Variants in DYSF observed in about 807,000 individuals in gnomAD.
DYSF encodes dysferlin, also known as dystrophy-associated fer-1-like 1.
In DYSF, 212 loss-of-function variants were observed where a neutral mutation model predicts 274.9. The ratio of observed to expected loss-of-function variants is 0.77; its 90% confidence interval spans 0.69 to 0.86. The LOEUF (loss-of-function observed/expected upper bound fraction) is 0.86, where lower values mean the gene tolerates loss of function less well. Among genes scored for constraint, DYSF ranks in the 40% least tolerant of loss-of-function variants. The probability of loss-of-function intolerance (pLI) is 0.00; values close to 1 mark genes in which losing one functional copy is unlikely to be tolerated. For synonymous variants in DYSF, 1,091 were observed against 1,078.7 expected (o/e 1.01, Z -0.22); for missense variants, 2,666 against 2,783.2 (o/e 0.96, Z 0.95).
chr2:71,606,001 C>T (rs11890737), intron 36 of DYSF, among the ~76,000 whole-genome samples: 7,476 of 152,196 alleles, frequency 0.049, 425 homozygotes, highest in African/African-American at 0.14. Context: ...GTCTTCTGTC[C>T]TCTGCTGGGT....
intron 13 of DYSF, among the ~76,000 whole-genome samples, chr2:71,526,683 C>T (rs561054724): frequency 1.3e-5 from 2 of 152,308 alleles, no homozygotes; most frequent in East Asian, 3.9e-4. Context: ...ACTGATTTTC[C>T]CTCCCTCTGT....
chr2:71,641,594 G>C (rs1246681843), intron 41 of DYSF, among the ~76,000 whole-genome samples: 2 of 151,826 alleles, frequency 1.3e-5, no homozygotes, highest in Non-Finnish European at 2.9e-5. Flanking sequence ...TGAATTATCA[G>C]GTAATTTATT....
At chr2:71,467,296 A>T (rs1309023120) in intron 1 of DYSF, among the ~76,000 whole-genome samples, 1 of 152,176 alleles carries the variant, frequency 6.6e-6, no homozygotes, top group Non-Finnish European at 1.5e-5. Flanking sequence ...GGCCTCTGAA[A>T]AACGGGGCGT....
chr2:71,598,802 T>C (rs960901465), intron 33 of DYSF, 57 bp downstream of exon 33: 24 of 1,595,648 alleles, frequency 1.5e-5, no homozygotes, highest in Non-Finnish European at 1.9e-5. Context: ...TGTGCAAAGG[T>C]GGGGTCTCCA....
intron 45 of DYSF, among the ~76,000 whole-genome samples, chr2:71,661,809 A>G (rs1236837228): frequency 6.6e-6 from 1 of 152,216 alleles, no homozygotes; most frequent in African/African-American, 2.4e-5. Flanking sequence ...CTCACCCTGC[A>G]GTGAGGACCC....
At chr2:71,495,172 G>A (rs147350035) in intron 3 of DYSF, among the ~76,000 whole-genome samples, 2,116 of 152,306 alleles carry the variant, frequency 0.014, 19 homozygotes, top group Middle Eastern at 0.041. Context: ...AATGCAGGGT[G>A]GGTTGTCCAT....
intron 50 of DYSF, among the ~76,000 whole-genome samples, 188 bp downstream of exon 50, chr2:71,669,395 A>T (rs959916953): frequency 2.0e-5 from 3 of 152,140 alleles, no homozygotes; most frequent in African/African-American, 7.2e-5. Context: ...TTCTGCACTG[A>T]ACTTTGGGTT....
At chr2:71,612,025 C>T in intron 38 of DYSF, among the ~76,000 whole-genome samples, 1 of 152,180 alleles carries the variant, frequency 6.6e-6, no homozygotes, top group East Asian at 1.9e-4. Context: ...AGCTCACCCC[C>T]ACAGCCCTCA....
intron 43 of DYSF, among the ~76,000 whole-genome samples, chr2:71,657,500 C>T (rs931268113): frequency 6.6e-6 from 1 of 152,172 alleles, no homozygotes; most frequent in Non-Finnish European, 1.5e-5. Context: ...CATCAGAGCC[C>T]CCACATTTCC....
At chr2:71,617,879 G>GGTGTGTGTGTGGGAGAGGT (rs756123529) in intron 40 of DYSF, among the ~76,000 whole-genome samples, 3 of 20,668 alleles carry the variant, frequency 1.5e-4, no homozygotes, top group Admixed American at 1.4e-3. Flanking sequence ...GTAGAGGTGG[G>GGTGTGTGTGTGGGAGAGGT]GTGTGTGTGG....
rs554512393 is a variant in DYSF at position 71,567,968 on chromosome 2, G to A, written c.2583G>A (p.Val861=). The part of the protein sequence containing the change: ...TIFLKYPMEK[V]PGARMPVQIR... ...GTACCCAGTATCCGATGGAGAAGGT[G>A]CCTGGCGCCCGGATGCCAGTGCAGA... The change falls in exon 25 of 56, where the codon GTG becomes GTA. Residue 861 remains valine (V), a synonymous_variant. Transcript: ENST00000410020. 6.2e-7 allele frequency: 1 copy of A among 1,614,164 alleles called. No individual in the cohort carries two copies. The highest frequency in any genetic ancestry group is 8.5e-7 in the Non-Finnish European group (1 of 1,180,030).
intron 17 of DYSF, among the ~76,000 whole-genome samples, chr2:71,544,965 A>G (rs887418915): frequency 6.6e-6 from 1 of 152,214 alleles, no homozygotes; most frequent in Non-Finnish European, 1.5e-5. Context: ...GGCAGGCGAC[A>G]AACAAATAGA....
chr2:71,593,125 CTTTTTTTTTTTTTTTT>C (rs35900869), intron 32 of DYSF, among the ~76,000 whole-genome samples: 2 of 85,564 alleles, frequency 2.3e-5, no homozygotes, highest in African/African-American at 8.8e-5. Flanking sequence ...TCAGTGACTT[CTTTTTTTTTTTTTTTT>C]TTTTTTTTGA....
At chr2:71,591,918 C>T (rs1156831962) in intron 32 of DYSF, among the ~76,000 whole-genome samples, 1 of 152,226 alleles carries the variant, frequency 6.6e-6, no homozygotes, top group Non-Finnish European at 1.5e-5. Flanking sequence ...GTCCTGAGAG[C>T]TCCCTCTGCA....
intron 41 of DYSF, among the ~76,000 whole-genome samples, chr2:71,640,902 G>A (rs1385604992): frequency 6.6e-6 from 1 of 152,054 alleles, no homozygotes; most frequent in East Asian, 1.9e-4. Flanking sequence ...TTGGCCTCCT[G>A]TCTTTTTTTG....
chr2:71,562,294 G>A (rs570999134), intron 23 of DYSF, among the ~76,000 whole-genome samples: 16 of 152,166 alleles, frequency 1.1e-4, no homozygotes, highest in African/African-American at 3.1e-4. Flanking sequence ...CCAGGTTCCC[G>A]ACTCCTACTT....
At position 71,553,028 on chromosome 2, in the gene DYSF, C is replaced by T. The variant is rs2091064936; in HGVS notation, c.1824C>T (p.Arg608=). ...ILRVEKYLRR[R]KYSLFAAFYS... ...GCTCTCAGAAGTACCTTAGGAGGCG[C>T]AAGTACTCCCTGTTTGCGGCCTTCT... Residue 608 remains arginine, a synonymous_variant, in exon 20 of 56, where the codon CGC becomes CGT. Transcript: ENST00000410020. 1 of 1,614,202 alleles carries T rather than the reference C, an allele frequency of 6.2e-7. No homozygotes were observed. The highest frequency in any genetic ancestry group is 8.5e-7 in the Non-Finnish European group (1 of 1,180,040).
chr2:71,614,204 C>T (rs1267990880), intron 40 of DYSF, among the ~76,000 whole-genome samples: 1 of 152,164 alleles, frequency 6.6e-6, no homozygotes, highest in East Asian at 1.9e-4. Flanking sequence ...TGAGCACCAG[C>T]CTTGAACTCA....
Position 71,503,311 on chromosome 2 carries a change from C to G in DYSF, c.337C>G (p.Pro113Ala). 1 of 1,614,154 alleles carries G rather than the reference C, an allele frequency of 6.2e-7. No individual in the cohort carries two copies. Among genetic ancestry groups the G allele is most frequent in the Non-Finnish European group, 8.5e-7 (1 of 1,179,986 alleles). ...NAPLLDTKKQ[P>A]TGASLVLQVS... Reference sequence around the variant, plus strand: ...CCCCCTGCTGGACACCAAGAAGCAGCCCACAGGGGTAAGTGCCCATCAGCC... The same window carrying G: ...CCCCCTGCTGGACACCAAGAAGCAGGCCACAGGGGTAAGTGCCCATCAGCC... The change falls in exon 4 of 56, where the codon CCC (proline) becomes GCC (alanine). Residue 113 changes from proline to alanine, a missense_variant. By Grantham distance (27) the Pro-to-Ala change is conservative. Coordinates refer to ENST00000410020, the MANE Select transcript of DYSF (RefSeq NM_001130987.2).
Sources: gnomAD v4.1 joint callset for allele counts (sites outside exome capture counted in the v4.1 genomes callset) on GRCh38, gnomAD v4.1.1 for gene constraint, MANE v1.5 for transcripts, NCBI Gene and HGNC (gene_info 2026-07-23, HGNC 2026-07-21) for gene names.